Variants in MTM1 observed in about 807,000 individuals in gnomAD.
The protein encoded by MTM1 is myotubularin 1.
MTM1 carries 9 observed loss-of-function variants against 52.1 expected under a neutral mutation model. The observed-to-expected ratio is 0.17, with a 90% CI of 0.10 to 0.30. The LOEUF (loss-of-function observed/expected upper bound fraction) is 0.30, where lower values mean the gene tolerates loss of function less well. Among genes scored for constraint, MTM1 ranks in the 10% least tolerant of loss-of-function variants. The probability of loss-of-function intolerance (pLI) is 1.00; values close to 1 mark genes in which losing one functional copy is unlikely to be tolerated. For synonymous variants in MTM1, 136 were observed against 163.8 expected (o/e 0.83, Z 1.29); for missense variants, 277 against 470.7 (o/e 0.59, Z 3.81).
intron 6 of MTM1, among the ~76,000 whole-genome samples, chrX:150,633,182 G>T (rs1167607654): frequency 8.9e-6 from 1 of 111,982 alleles, no homozygotes; most frequent in African/African-American, 3.2e-5. Context: ...TGGTCCTTTC[G>T]TGAACAAATA....
chrX:150,599,260 A>G (rs868916908), intron 4 of MTM1, among the ~76,000 whole-genome samples: 19 of 112,305 alleles, frequency 1.7e-4, no homozygotes, highest in East Asian at 2.8e-4. Flanking sequence ...TACCTTTTCA[A>G]TCCCTGACCA....
intron 6 of MTM1, among the ~76,000 whole-genome samples, chrX:150,622,123 G>A (rs782482544): frequency 1.9e-5 from 2 of 107,875 alleles, no homozygotes; most frequent in African/African-American, 6.8e-5. Flanking sequence ...GTGGTACTTG[G>A]CCATATTTTT....
intron 10 of MTM1, among the ~76,000 whole-genome samples, chrX:150,655,698 TAG>T (rs782370615): frequency 1.9e-3 from 215 of 112,075 alleles, no homozygotes; most frequent in Non-Finnish European, 3.7e-3. Context: ...AGGCAAACTA[TAG>T]AGACAGGAAG....
In MTM1 at chrX:150,671,560, T is replaced by C; in HGVS notation, c.1777T>C (p.Ser593Pro). Residue 593 changes from serine to proline, a missense_variant, in exon 15 of 15, where the codon TCG (serine) becomes CCG (proline). Ser to Pro is a moderately conservative substitution (Grantham distance 74). Coordinates refer to ENST00000370396, the MANE Select transcript of MTM1 (RefSeq NM_000252.3). Reference protein sequence around the residue: ...SDPPTSPSSPSQMMPHVQTHF With the variant: ...SDPPTSPSSPPQMMPHVQTHF ...TCCCCCAACTTCACCTTCCAGTCCT[T>C]CGCAAATGATGCCCCATGTGCAAAC... 8.3e-7 allele frequency: 1 copy of C among 1,211,298 alleles called. No homozygotes were observed. The highest frequency in any genetic ancestry group is 1.1e-6 in the Non-Finnish European group (1 of 895,460).
intron 7 of MTM1, among the ~76,000 whole-genome samples, chrX:150,639,681 C>T (rs16995741): frequency 0.013 from 1,433 of 112,216 alleles, 29 homozygotes; most frequent in African/African-American, 0.044. Flanking sequence ...ACAAGAGCCA[C>T]AGTTTGACCT....
At chrX:150,596,045 A>G (rs2038970290) in intron 2 of MTM1, among the ~76,000 whole-genome samples, 1 of 111,427 alleles carries the variant, frequency 9.0e-6, no homozygotes, top group Non-Finnish European at 1.9e-5. Context: ...ATTTTCGGGC[A>G]TTGTAATAGG....
At position 150,670,060 on chromosome X, in the gene MTM1, CT is replaced by C. The variant is rs1225710328; in HGVS notation, c.1645-1367del. ...TAAGCTTTCTAGAAAGTGCTTGCCC[CT>C]GATCCCTTCAAAACATTAACTTTCT... On this transcript the variant is annotated intron_variant, in intron 14 of 14. Transcript: ENST00000370396. Among the ~76,000 whole-genome samples the C allele has an allele frequency of 1.7e-4, 19 of 111,976 alleles. No homozygotes were observed. In the East Asian group the frequency reaches 2.5e-3, roughly 15 times the overall value.
chrX:150,601,492 C>T (rs1287079462), intron 4 of MTM1, among the ~76,000 whole-genome samples: 3 of 112,436 alleles, frequency 2.7e-5, no homozygotes, highest in African/African-American at 6.5e-5. Context: ...TTGAAGTGGA[C>T]ACCTGTTTGT....
intron 9 of MTM1, 134 bp from the exon 10 acceptor site, chrX:150,649,582 C>T: frequency 1.8e-6 from 1 of 548,856 alleles, no homozygotes; most frequent in East Asian, 3.5e-5. Context: ...GCTAGGAAGT[C>T]AAGTCACATC....
At chrX:150,566,654 C>T (rs1181397428), upstream of MTM1, among the ~76,000 whole-genome samples, 1 of 110,738 alleles carries the variant, frequency 9.0e-6, no homozygotes, top group Admixed American at 9.6e-5. Context: ...TCAGGAATTA[C>T]CTCCTTAGGA....
intron 6 of MTM1, among the ~76,000 whole-genome samples, chrX:150,627,636 G>A (rs1444331188): frequency 2.7e-5 from 3 of 111,639 alleles, no homozygotes; most frequent in Admixed American, 9.5e-5. Flanking sequence ...TACAATACCC[G>A]AAGTCTTTGT....
At chrX:150,666,909 G>T (rs1389871257) in intron 14 of MTM1, among the ~76,000 whole-genome samples, 1 of 111,340 alleles carries the variant, frequency 9.0e-6, no homozygotes, top group Non-Finnish European at 1.9e-5. Flanking sequence ...CTTGGGCTCT[G>T]CCTTCAAAAC....
At chrX:150,670,558 A>T (rs781877760) in intron 14 of MTM1, among the ~76,000 whole-genome samples, 28 of 112,180 alleles carry the variant, frequency 2.5e-4, no homozygotes, top group African/African-American at 8.4e-4. Context: ...AACTACCGTG[A>T]CATACCATGT....
intron 1 of MTM1, among the ~76,000 whole-genome samples, chrX:150,592,050 G>T (rs1406168550): frequency 8.9e-6 from 1 of 112,307 alleles, no homozygotes; most frequent in East Asian, 2.8e-4. Context: ...TTTAAATGAA[G>T]TATATACTTT....
intron 14 of MTM1, among the ~76,000 whole-genome samples, chrX:150,667,838 G>C (rs1403606161): frequency 1.8e-5 from 2 of 112,195 alleles, no homozygotes; most frequent in Non-Finnish European, 3.8e-5. Context: ...TTTGTACCTG[G>C]CTTTAGCTGA....
chrX:150,581,254 A>G (rs2038578782), intron 1 of MTM1, among the ~76,000 whole-genome samples: 1 of 111,970 alleles, frequency 8.9e-6, no homozygotes, highest in African/African-American at 3.2e-5. Context: ...TTTCAAAAGA[A>G]TAATTCAAAG....
chrX:150,571,435 C>G (rs2038374528), intron 1 of MTM1, among the ~76,000 whole-genome samples: 1 of 111,569 alleles, frequency 9.0e-6, no homozygotes, highest in Admixed American at 9.5e-5. Context: ...AGGTACTTAA[C>G]TCTGTGCTTT....
chrX:150,620,721 A>G (rs781837638), intron 6 of MTM1, among the ~76,000 whole-genome samples: 24 of 111,761 alleles, frequency 2.1e-4, no homozygotes, highest in Non-Finnish European at 3.9e-4. Flanking sequence ...TTTAGTTTAA[A>G]GTCGTCACTG....
chrX:150,652,416 C>A (rs1473906258), intron 10 of MTM1, among the ~76,000 whole-genome samples: 2 of 107,000 alleles, frequency 1.9e-5, no homozygotes, highest in Non-Finnish European at 3.8e-5. Context: ...ACTGTAGTCC[C>A]AGCTACTCAG....
Sources: allele counts gnomAD v4.1 joint callset (sites outside exome capture counted in the v4.1 genomes callset), GRCh38; gene constraint gnomAD v4.1.1; transcripts MANE v1.5; gene names NCBI Gene and HGNC (gene_info 2026-07-23, HGNC 2026-07-21).